MIPEP: variants seen among roughly 807,000 people sequenced by gnomAD.
MIPEP encodes the protein mitochondrial intermediate peptidase.
MIPEP carries 79 observed loss-of-function variants against 90.3 expected under a neutral mutation model. The observed-to-expected ratio is 0.87, with a 90% CI of 0.73 to 1.05. The LOEUF is 1.05. Among genes scored for constraint, MIPEP ranks in the 50% least tolerant of loss-of-function variants. The pLI, the probability that MIPEP is intolerant of heterozygous loss-of-function variation, is 0.00. For synonymous variants in MIPEP, 334 were observed against 315.8 expected (o/e 1.06, Z -0.61); for missense variants, 940 against 905.6 (o/e 1.04, Z -0.49).
chr13:23,886,831 A>AT, intron 1 of MIPEP, among the ~76,000 whole-genome samples: 1 of 142,374 alleles, frequency 7.0e-6, no homozygotes, highest in Non-Finnish European at 1.5e-5. Context: ...TCATATATGT[A>AT]AATATATATA....
chr13:23,868,972 C>T lies in MIPEP; in HGVS notation c.943+320G>A, dbSNP rs867516980. ...AACATACTGATCTTTCATTCTCTTA[C>T]ACTAATTCTAACCAATTTGTCAAAT... On this transcript the variant is annotated intron_variant, in intron 7 of 18. Coordinates refer to ENST00000382172, the MANE Select transcript of MIPEP (RefSeq NM_005932.4). Among the ~76,000 whole-genome samples, 4 of 152,284 alleles carry T rather than the reference C, an allele frequency of 2.6e-5. 1 individual carries two copies. The highest frequency in any genetic ancestry group is 3.4e-3 in the Middle Eastern group (1 of 294).
At chr13:23,869,662 G>A (rs1390534200) in intron 6 of MIPEP, among the ~76,000 whole-genome samples, 2 of 152,174 alleles carry the variant, frequency 1.3e-5, no homozygotes, top group African/African-American at 2.4e-5. Flanking sequence ...CTGTTCTGAG[G>A]TACGGTGGGG....
At chr13:23,850,259 G>T (rs1467338956) in intron 10 of MIPEP, among the ~76,000 whole-genome samples, 2 of 152,190 alleles carry the variant, frequency 1.3e-5, no homozygotes, top group Non-Finnish European at 1.5e-5. Context: ...TGTTATAGCT[G>T]GGTGACATTT....
chr13:23,888,947 C>A (rs1199316177), intron 1 of MIPEP, 185 bp downstream of exon 1: 25 of 567,446 alleles, frequency 4.4e-5, no homozygotes, highest in Non-Finnish European at 6.4e-5. Flanking sequence ...CCACTAAACC[C>A]GGCCCCTCAA....
chr13:23,813,119 GA>G (rs1016751703), intron 14 of MIPEP, among the ~76,000 whole-genome samples: 18 of 149,622 alleles, frequency 1.2e-4, no homozygotes, highest in Non-Finnish European at 7.4e-5. Context: ...TAACAAATTT[GA>G]AAAAAAAACT....
chr13:23,879,744 C>A (rs1456378729), intron 3 of MIPEP, among the ~76,000 whole-genome samples: 2 of 152,154 alleles, frequency 1.3e-5, no homozygotes, highest in East Asian at 3.9e-4. Flanking sequence ...AGGACACAGG[C>A]TTCAGAGCCA....
chr13:23,808,415 T>C (rs995544416), intron 15 of MIPEP, among the ~76,000 whole-genome samples: 1 of 152,194 alleles, frequency 6.6e-6, no homozygotes, highest in African/African-American at 2.4e-5. Flanking sequence ...ACACTGTTTA[T>C]GTCCCCATAG....
intron 16 of MIPEP, among the ~76,000 whole-genome samples, chr13:23,762,007 C>T (rs1435915854): frequency 6.6e-6 from 1 of 152,154 alleles, no homozygotes; most frequent in East Asian, 1.9e-4. Flanking sequence ...AGTCTGTAAT[C>T]TCAGCTACTT....
chr13:23,752,357 G>T (rs181053554), intron 18 of MIPEP, among the ~76,000 whole-genome samples: 1 of 152,152 alleles, frequency 6.6e-6, no homozygotes, highest in Admixed American at 6.5e-5. Flanking sequence ...ATTTGCTGTA[G>T]TAAGAAACAA....
intron 16 of MIPEP, among the ~76,000 whole-genome samples, chr13:23,781,578 T>C (rs1490323424): frequency 6.6e-6 from 1 of 152,198 alleles, no homozygotes; most frequent in Non-Finnish European, 1.5e-5. Context: ...AACATCATAA[T>C]GACAGGATCA....
intron 14 of MIPEP, among the ~76,000 whole-genome samples, chr13:23,834,723 TC>T (rs1868946993): frequency 6.6e-6 from 1 of 152,038 alleles, no homozygotes; most frequent in Non-Finnish European, 1.5e-5. Context: ...CCTCCCCAGT[TC>T]CCCCAGGGCC....
intron 18 of MIPEP, among the ~76,000 whole-genome samples, chr13:23,739,302 C>CTT (rs1197208602): frequency 6.6e-6 from 1 of 152,180 alleles, no homozygotes; most frequent in African/African-American, 2.4e-5. Flanking sequence ...TGCACTTGCT[C>CTT]AAGAAGTCTC....
Position 23,756,563 on chromosome 13 carries a change from G to A in MIPEP, c.2026C>T (p.Pro676Ser), listed in dbSNP as rs1363461923. The A allele has an allele frequency of 3.1e-6, 5 of 1,613,856 alleles. No individual in the cohort carries two copies. In the Admixed American group the frequency reaches 6.7e-5, roughly 22 times the overall value. Residue 676 changes from proline (P) to serine (S), a missense_variant, in exon 18 of 19, where the codon CCC (proline) becomes TCC (serine). Physicochemically the swap from Pro to Ser is moderately conservative, Grantham distance 74. Transcript: ENST00000382172. ...GTTTTACCTTCAACCATGAGCATGG[G>A]CTCCCTGCCTCCACCGTGGGCCAGC... The part of the protein sequence containing the change: ...EMLAHGGGRE[P>S]MLMVEGMLQK...
At position 23,809,963 on chromosome 13, in the gene MIPEP, G is replaced by A. The variant is rs771897002; in HGVS notation, c.1654-39C>T. The A allele has an allele frequency of 4.1e-5, 54 of 1,327,848 alleles. 4 individuals carry two copies. In the South Asian group the frequency reaches 5.5e-4, roughly 13 times the overall value. 82.3% of individuals were successfully genotyped at this position (1,327,848 alleles called of 1,614,324 possible). On this transcript the variant is annotated intron_variant, in intron 14 of 18. Coordinates refer to ENST00000382172, the MANE Select transcript of MIPEP (RefSeq NM_005932.4). ...AAGAATATATATGTGAGTAAACTGC[G>A]TAATAAGTCACTGCACTATGTATAA... is the stretch of plus-strand genomic sequence containing the variant.
chr13:23,780,813 G>A (rs575979486), intron 16 of MIPEP, among the ~76,000 whole-genome samples: 1 of 152,298 alleles, frequency 6.6e-6, no homozygotes, highest in Non-Finnish European at 1.5e-5. Context: ...GAATGCACAA[G>A]CTTCAGTAGC....
intron 16 of MIPEP, among the ~76,000 whole-genome samples, chr13:23,796,137 G>A (rs570515255): frequency 2.3e-4 from 35 of 151,976 alleles, no homozygotes; most frequent in African/African-American, 7.7e-4. Context: ...ATTGACTATC[G>A]GCAGGATGCA....
chr13:23,856,859 GA>G (rs1425084145), intron 10 of MIPEP, among the ~76,000 whole-genome samples: 1 of 152,052 alleles, frequency 6.6e-6, no homozygotes, highest in African/African-American at 2.4e-5. Flanking sequence ...AGGCATTAAT[GA>G]AAATAATCAG....
chr13:23,868,025 T>C (rs1009013055), intron 7 of MIPEP, among the ~76,000 whole-genome samples: 4 of 151,910 alleles, frequency 2.6e-5, no homozygotes, highest in African/African-American at 4.8e-5. Flanking sequence ...ACCAAACTGA[T>C]ACTTACAAAA....
chr13:23,823,728 T>G (rs1953335872), intron 14 of MIPEP, among the ~76,000 whole-genome samples: 1 of 152,178 alleles, frequency 6.6e-6, no homozygotes, highest in South Asian at 2.1e-4. Context: ...CTTGGGAGGC[T>G]GGGGCAGGAG....
Sources: gnomAD v4.1 joint callset for allele counts (sites outside exome capture counted in the v4.1 genomes callset) on GRCh38, gnomAD v4.1.1 for gene constraint, MANE v1.5 for transcripts, NCBI Gene and HGNC (gene_info 2026-07-23, HGNC 2026-07-21) for gene names.